The following ZKSCAN5 variants were observed in gnomAD, a reference collection of about 807,000 sequenced individuals.
ZKSCAN5 encodes zinc finger protein with KRAB and SCAN domains 5.
Under a neutral mutation model 60.0 loss-of-function variants are expected in ZKSCAN5, and 28 were observed. The ratio of observed to expected loss-of-function variants is 0.47; its 90% CI spans 0.35 to 0.64. The LOEUF is 0.64. ZKSCAN5 is among the 30% of genes least tolerant of loss of function. The pLI is 0.01. For missense variants in ZKSCAN5, 881 were observed against 1,034.6 expected, an observed-to-expected ratio of 0.85 and a Z score of 2.04; for synonymous variants, 361 against 371.2, an observed-to-expected ratio of 0.97 and a Z score of 0.31.
Position 99,533,170 on chromosome 7 carries a change from A to G in ZKSCAN5, c.*921A>G, listed in dbSNP as rs916304872. The G allele has an allele frequency of 1.4e-5, 8 of 557,936 alleles. No individual in the cohort carries two copies. Among genetic ancestry groups the G allele is most frequent in the Admixed American group, 8.8e-5 (4 of 45,382 alleles). 34.6% of individuals were successfully genotyped at this position (557,936 alleles called of 1,614,324 possible). ...ATGTGTGCTGACTTCTGGGTGCCCC[A>G]GAAATAGACCTCTCCTGTAGAGTGG... On this transcript the variant is annotated 3_prime_UTR_variant, in exon 7 of 7. Transcript: ENST00000326775.
chr7:99,531,355 C>A lies in ZKSCAN5; in HGVS notation c.1626C>A (p.Ser542=). The A allele has an allele frequency of 1.2e-6, 2 of 1,614,154 alleles. No individual in the cohort carries two copies. The highest frequency in any genetic ancestry group is 1.7e-6 in the Non-Finnish European group (2 of 1,180,040). Residue 542 remains serine, a synonymous_variant, in exon 7 of 7, where the codon TCC becomes TCA. Coordinates refer to ENST00000326775, the MANE Select transcript of ZKSCAN5 (RefSeq NM_145102.4). The stretch of plus-strand genomic sequence containing the variant: ...AAGTCCCATATGTCCACAAAAAATC[C>A]TCCACTGGAGAGAGACCACATAAAT... The part of the protein sequence containing the change: ...YSEVPYVHKK[S]STGERPHKCN...
intron 2 of ZKSCAN5, among the ~76,000 whole-genome samples, chr7:99,507,597 A>ATATATATG (rs1800828903): frequency 6.7e-6 from 1 of 149,498 alleles, no homozygotes; most frequent in African/African-American, 2.5e-5. Flanking sequence ...GTGTGTGTGT[A>ATATATATG]TATATATATG....
chr7:99,530,566 T>G (rs777983455), intron 6 of ZKSCAN5, among the ~76,000 whole-genome samples: 2 of 152,158 alleles, frequency 1.3e-5, no homozygotes, highest in Non-Finnish European at 2.9e-5. Flanking sequence ...TATTAGTCCT[T>G]TGTCTGATGC....
chr7:99,530,566 TTGTC>T (rs1014182272), intron 6 of ZKSCAN5, among the ~76,000 whole-genome samples: 11 of 152,158 alleles, frequency 7.2e-5, no homozygotes, highest in African/African-American at 2.7e-4. Context: ...TATTAGTCCT[TTGTC>T]TGATGCATAG....
At chr7:99,508,065 C>G (rs1015225440) in intron 2 of ZKSCAN5, among the ~76,000 whole-genome samples, 6 of 150,706 alleles carry the variant, frequency 4.0e-5, no homozygotes, top group Non-Finnish European at 8.9e-5. Context: ...TTGGGGAGGC[C>G]GAGGTGGGCA....
intron 3 of ZKSCAN5, among the ~76,000 whole-genome samples, chr7:99,517,245 G>A (rs1004133919): frequency 1.3e-5 from 2 of 152,042 alleles, no homozygotes; most frequent in East Asian, 3.9e-4. Context: ...TGTATTTTTA[G>A]TAGAGATGGG....
intron 5 of ZKSCAN5, among the ~76,000 whole-genome samples, chr7:99,524,244 T>C (rs1014739647): frequency 6.6e-6 from 1 of 151,990 alleles, no homozygotes; most frequent in Non-Finnish European, 1.5e-5. Context: ...CTAATTTTTT[T>C]CGTATTTTTA....
At chr7:99,529,333 G>A (rs1019370099) in intron 6 of ZKSCAN5, among the ~76,000 whole-genome samples, 5 of 152,004 alleles carry the variant, frequency 3.3e-5, no homozygotes, top group Non-Finnish European at 7.4e-5. Context: ...TAGAGATGAG[G>A]TTTTACCATG....
At chr7:99,524,772 A>G (rs117192409) in intron 5 of ZKSCAN5, among the ~76,000 whole-genome samples, 237 of 152,272 alleles carry the variant, frequency 1.6e-3, no homozygotes, top group Non-Finnish European at 2.8e-3. Flanking sequence ...GCATTGAGAA[A>G]CCTAGAAAGA....
chr7:99,531,979 T>G lies in ZKSCAN5; in HGVS notation c.2250T>G (p.Cys750Trp). 6.2e-7 allele frequency: 1 copy of G among 1,614,192 alleles called. No homozygotes were observed. Among genetic ancestry groups the G allele is most frequent in the East Asian group, 2.2e-5 (1 of 44,884 alleles). The change falls in exon 7 of 7, where the codon TGT becomes TGG. Residue 750 changes from cysteine to tryptophan, a missense_variant. By Grantham distance (215) the Cys-to-Trp change is radical (BLOSUM62 -2). Around this residue, in one of 5 missense-constraint regions of ZKSCAN5, gnomAD observed 138 missense variants for 143.8 expected, o/e 0.96. Transcript: ENST00000326775. ...TAEKPYQCDI[C>W]RENVGQCSHT... The stretch of plus-strand genomic sequence containing the variant: ...AGAAGCCCTATCAATGTGATATATG[T>G]AGAGAAAATGTTGGCCAGTGTTCCC...
intron 2 of ZKSCAN5, 122 bp downstream of exon 2, chr7:99,506,580 A>G: frequency 1.6e-6 from 2 of 1,227,306 alleles, no homozygotes; most frequent in Non-Finnish European, 2.2e-6. Context: ...GGGATTAGGT[A>G]CCCTGTGACT....
At chr7:99,505,624 C>T (rs920170835) in intron 1 of ZKSCAN5, 2 of 172,052 alleles carry the variant, frequency 1.2e-5, no homozygotes, top group African/African-American at 4.8e-5. Flanking sequence ...CACCCTTATT[C>T]CGACTTAAGT....
intron 3 of ZKSCAN5, among the ~76,000 whole-genome samples, chr7:99,515,807 C>A (rs1293567302): frequency 6.8e-6 from 1 of 147,524 alleles, no homozygotes; most frequent in African/African-American, 2.5e-5. Flanking sequence ...GCACTCCAGC[C>A]TGGGCGACAA....
rs1275418550 is a variant in ZKSCAN5, at chr7:99,506,035, C to G, written c.-10C>G. On this transcript the variant is annotated 5_prime_UTR_variant, in exon 2 of 7. Transcript: ENST00000326775. The stretch of plus-strand genomic sequence containing the variant: ...CACAGCCAGCCTCGAAGACTTCCCT[C>G]TGAGTTGGAATGATAATGACCGAAT... 1 of 1,607,928 alleles carries G rather than the reference C, an allele frequency of 6.2e-7. No individual in the cohort carries two copies. The highest frequency in any genetic ancestry group is 1.3e-5 in the African/African-American group (1 of 74,574).
chr7:99,511,976 T>C (rs1450464675), intron 2 of ZKSCAN5, among the ~76,000 whole-genome samples: 2 of 152,136 alleles, frequency 1.3e-5, no homozygotes, highest in Non-Finnish European at 2.9e-5. Context: ...ATTTTTTTAG[T>C]AGAGACGGGG....
chr7:99,505,604 T>C lies in ZKSCAN5; in HGVS notation c.-40-401T>C, dbSNP rs73711299. 718 of 168,208 alleles carry C rather than the reference T, an allele frequency of 4.3e-3. 7 individuals carry two copies. The highest frequency in any genetic ancestry group is 0.016 in the African/African-American group (659 of 41,696). 10.4% of individuals were successfully genotyped at this position (168,208 alleles called of 1,614,324 possible). A position where few individuals can be genotyped will look rare whatever the true frequency, so the allele number is the denominator to read the frequency against. ...AGAACAGGCTCAGTTTTGACCATTATAATGATTTTCACCCTTATTCCGACT... is the reference window on the plus strand; with the variant it reads ...AGAACAGGCTCAGTTTTGACCATTACAATGATTTTCACCCTTATTCCGACT... On this transcript the variant is annotated intron_variant, in intron 1 of 6. Transcript: ENST00000326775.
chr7:99,506,366 C>T lies in ZKSCAN5; in HGVS notation c.322C>T (p.Pro108Ser). ...FLTILPEEFQ[P>S]WVREHHPESG... ...GACCATCCTGCCTGAAGAGTTCCAG[C>T]CCTGGGTGAGGGAACATCACCCTGA... Residue 108 changes from proline to serine, a missense_variant, in exon 2 of 7, where the codon CCC (proline) becomes TCC (serine). This residue lies in a region of ZKSCAN5 where 53 missense variants were observed against 88.7 expected (regional missense o/e 0.60). Transcript: ENST00000326775. 3 of 1,614,146 alleles carry T rather than the reference C, an allele frequency of 1.9e-6. No individual in the cohort carries two copies. The highest frequency in any genetic ancestry group is 2.5e-6 in the Non-Finnish European group (3 of 1,180,024).
chr7:99,519,436 T>G (rs1477748144), intron 3 of ZKSCAN5, among the ~76,000 whole-genome samples: 1 of 152,050 alleles, frequency 6.6e-6, no homozygotes, highest in Admixed American at 6.6e-5. Context: ...CATCACCACA[T>G]CTGGCTGATT....
At position 99,532,181 on chromosome 7, in the gene ZKSCAN5, A is replaced by T. The variant is rs1802082996; in HGVS notation, c.2452A>T (p.Lys818Ter). ...TTTCAGCTGGAGTTGTAGCCTCTTT[A>T]AACACCTGAGAAGCCATGAGAGGAC... The part of the protein sequence containing the change: ...MNFSWSCSLF[K>*]HLRSHERTDP... Residue 818 changes from lysine to a stop codon, truncating the protein, a stop_gained, in exon 7 of 7, where the codon AAA becomes TAA. Coordinates refer to ENST00000326775, the MANE Select transcript of ZKSCAN5 (RefSeq NM_145102.4). LOFTEE classifies it low-confidence loss of function (END_TRUNC). 3.1e-6 allele frequency: 5 copies of T among 1,613,436 alleles called. No homozygotes were observed. The South Asian group carries it at 3.3e-5, about 11-fold the overall frequency.
Sources: gnomAD v4.1 joint callset for allele counts (sites outside exome capture counted in the v4.1 genomes callset) on GRCh38, gnomAD v4.1.1 for gene constraint, gnomAD v4.1.1 regional missense constraint, MANE v1.5 for transcripts, NCBI Gene and HGNC (gene_info 2026-07-23, HGNC 2026-07-21) for gene names.